MLLT3: variants seen among roughly 807,000 people sequenced by gnomAD.
MLLT3 encodes the protein protein AF-9.
MLLT3 carries 4 observed loss-of-function variants against 53.2 expected under a neutral mutation model. The observed-to-expected ratio is 0.08, with a 90% CI of 0.04 to 0.17. MLLT3 has a LOEUF of 0.17. MLLT3 is among the 10% of genes least tolerant of loss of function. The probability of loss-of-function intolerance (pLI) is 1.00; values close to 1 mark genes in which losing one functional copy is unlikely to be tolerated. For synonymous variants in MLLT3, 283 were observed against 230.6 expected (o/e 1.23, Z -2.06); for missense variants, 569 against 684.0 (o/e 0.83, Z 1.87).
chr9:20,518,300 C>G (rs548901687), intron 2 of MLLT3, among the ~76,000 whole-genome samples: 2 of 152,200 alleles, frequency 1.3e-5, no homozygotes, highest in South Asian at 2.1e-4. Context: ...GAGCCAAGAT[C>G]GCGCCATTGC....
At chr9:20,592,014 G>T (rs955932029) in intron 2 of MLLT3, among the ~76,000 whole-genome samples, 5 of 151,934 alleles carry the variant, frequency 3.3e-5, no homozygotes, top group Non-Finnish European at 7.4e-5. Context: ...AGAATAGAAT[G>T]AATAAGAATT....
rs778672156 is a variant in MLLT3 at position 20,620,731 on chromosome 9, G to A, written c.116C>T (p.Pro39Leu). 2.5e-6 allele frequency: 4 copies of A among 1,614,154 alleles called. No homozygotes were observed. The highest frequency in any genetic ancestry group is 3.4e-6 in the Non-Finnish European group (4 of 1,180,022). ...AAAGTGCTGTATGTTACTGTGCTCC[G>A]GACCGCGTACGAACACCATCCAGTC... is the stretch of plus-strand genomic sequence containing the variant. ...THDWMVFVRG[P>L]EHSNIQHFVE... Residue 39 changes from proline to leucine, a missense_variant, in exon 2 of 11, where the codon CCG (proline) becomes CTG (leucine). By Grantham distance (98) the Pro-to-Leu change is moderately conservative (BLOSUM62 -3). This residue lies in a region of MLLT3 where 35 missense variants were observed against 136.8 expected (regional missense o/e 0.26). Coordinates refer to ENST00000380338, the MANE Select transcript of MLLT3 (RefSeq NM_004529.4). The surrounding 1 kb of genome is among the most constrained non-coding windows in gnomAD (Gnocchi z 6.1).
intron 3 of MLLT3, among the ~76,000 whole-genome samples, chr9:20,456,004 T>A (rs1823959195): frequency 1.3e-5 from 2 of 150,302 alleles, no homozygotes; most frequent in South Asian, 2.1e-4. Context: ...AGTAGTGCGA[T>A]CTCGGCTCAC....
intron 2 of MLLT3, among the ~76,000 whole-genome samples, chr9:20,544,385 T>G (rs1587051179): frequency 6.6e-6 from 1 of 152,268 alleles, no homozygotes; most frequent in East Asian, 1.9e-4. Flanking sequence ...GAAATGGGAA[T>G]AAATATTTCC....
At chr9:20,533,413 G>C (rs111739948) in intron 2 of MLLT3, 1,778 of 158,568 alleles carry the variant, frequency 0.011, 23 homozygotes, top group Non-Finnish European at 0.015. Flanking sequence ...GAAAAGAAAA[G>C]AAAAGAAAAT....
chr9:20,621,833 CG>C lies in MLLT3; in HGVS notation c.12+411del. ...CCGCCGAGGCTGCTCGCCGCGTCCC[CG>C]GACTGTGCCCGCAGCTCCCGGCGGC... is the stretch of plus-strand genomic sequence containing the variant. On this transcript the variant is annotated intron_variant, in intron 1 of 10. Transcript: ENST00000380338. The surrounding 1 kb of genome is among the most constrained non-coding windows in gnomAD (Gnocchi z 7.0). 2 of 1,405,494 alleles carry C rather than the reference CG, an allele frequency of 1.4e-6. No individual in the cohort carries two copies. The highest frequency in any genetic ancestry group is 1.8e-6 in the Non-Finnish European group (2 of 1,091,186). 87.1% of individuals were successfully genotyped at this position (1,405,494 alleles called of 1,614,324 possible). A position where few individuals can be genotyped will look rare whatever the true frequency, so the allele number is the denominator to read the frequency against.
chr9:20,433,070 C>A (rs770277424), intron 4 of MLLT3, among the ~76,000 whole-genome samples: 7 of 151,822 alleles, frequency 4.6e-5, no homozygotes, highest in Non-Finnish European at 1.0e-4. Flanking sequence ...ACAATTCAGT[C>A]CAAAAGCTCT....
At chr9:20,467,212 G>A (rs761707319) in intron 2 of MLLT3, among the ~76,000 whole-genome samples, 4 of 151,916 alleles carry the variant, frequency 2.6e-5, no homozygotes, top group Non-Finnish European at 4.4e-5. Context: ...AACTCCTGGC[G>A]TCAAGTGATC....
At chr9:20,575,839 A>C (rs1819639351) in intron 2 of MLLT3, among the ~76,000 whole-genome samples, 1 of 152,224 alleles carries the variant, frequency 6.6e-6, no homozygotes, top group African/African-American at 2.4e-5. Flanking sequence ...TCAGAATGTA[A>C]ACGAGCACTG....
chr9:20,380,166 C>T (rs565909172), intron 5 of MLLT3: 1 of 152,040 alleles, frequency 6.6e-6, no homozygotes, highest in South Asian at 2.1e-4. Context: ...TTACTAATCA[C>T]TAAACAGATT....
At chr9:20,456,553 G>C (rs1323238522) in intron 3 of MLLT3, 151 bp downstream of exon 3, 7 of 609,250 alleles carry the variant, frequency 1.1e-5, no homozygotes, top group Non-Finnish European at 1.7e-5. Context: ...ATAATTAAGG[G>C]TAATGATAGC....
intron 5 of MLLT3, among the ~76,000 whole-genome samples, chr9:20,378,404 G>C (rs559257445): frequency 5.3e-5 from 8 of 152,112 alleles, no homozygotes; most frequent in African/African-American, 1.9e-4. Context: ...AGAGCATCCA[G>C]ATTTTTGTCA....
chr9:20,501,757 CAAAAAAAAAAAAA>C (rs936828819), intron 2 of MLLT3, among the ~76,000 whole-genome samples: 993 of 18,590 alleles, frequency 0.053, 15 homozygotes, highest in African/African-American at 0.17. Context: ...GACTCCGTCT[CAAAAAAAAAAAAA>C]AAAAAAAAAA....
At chr9:20,418,370 A>G (rs947820510) in intron 4 of MLLT3, 7 of 152,250 alleles carry the variant, frequency 4.6e-5, no homozygotes, top group Non-Finnish European at 7.3e-5. Flanking sequence ...TGCGAGGCAC[A>G]ATTACTGCTA....
At chr9:20,349,335 T>C (rs1038643111) in intron 10 of MLLT3, among the ~76,000 whole-genome samples, 2 of 152,326 alleles carry the variant, frequency 1.3e-5, no homozygotes, top group African/African-American at 4.8e-5. Flanking sequence ...GGTAAATTGC[T>C]ACCTAAGTCA....
intron 2 of MLLT3, among the ~76,000 whole-genome samples, chr9:20,542,581 G>A (rs761815882): frequency 6.6e-6 from 1 of 152,128 alleles, no homozygotes; most frequent in South Asian, 2.1e-4. Flanking sequence ...CTGAGCAGTA[G>A]GGCTCAACAG....
chr9:20,607,749 A>G lies in MLLT3; in HGVS notation c.193+12905T>C, dbSNP rs77991576. ...TACACTTTTAAAGTTTAATGTCAAAATGCAAATGTGTTTTCTCACGGACTA... is the reference window on the plus strand; with the variant it reads ...TACACTTTTAAAGTTTAATGTCAAAGTGCAAATGTGTTTTCTCACGGACTA... On this transcript the variant is annotated intron_variant, in intron 2 of 10. Coordinates refer to ENST00000380338, the MANE Select transcript of MLLT3 (RefSeq NM_004529.4). Among the ~76,000 whole-genome samples, 308 of 152,174 alleles carry G rather than the reference A, an allele frequency of 2.0e-3. 1 individual carries two copies. Among genetic ancestry groups the G allele is most frequent in the African/African-American group, 7.1e-3 (297 of 41,560 alleles).
intron 3 of MLLT3, among the ~76,000 whole-genome samples, chr9:20,449,750 C>G (rs75347160): frequency 0.028 from 4,253 of 152,266 alleles, 211 homozygotes; most frequent in African/African-American, 0.096. Flanking sequence ...CCACTACAAT[C>G]TGACATGAAA....
At chr9:20,507,931 T>TA (rs986582958) in intron 2 of MLLT3, among the ~76,000 whole-genome samples, 1 of 151,948 alleles carries the variant, frequency 6.6e-6, no homozygotes, top group African/African-American at 2.4e-5. Context: ...CACATTTGTT[T>TA]AAAAAAAGAA....
Sources: gnomAD v4.1 joint callset for allele counts (sites outside exome capture counted in the v4.1 genomes callset) on GRCh38, gnomAD v4.1.1 for gene constraint, gnomAD v4.1.1 regional missense constraint, Gnocchi (gnomAD v3.1) non-coding constraint, MANE v1.5 for transcripts, NCBI Gene and HGNC (gene_info 2026-07-23, HGNC 2026-07-21) for gene names.